The following GALNT2 variants were observed in gnomAD, a reference collection of about 807,000 sequenced individuals.
GALNT2 encodes polypeptide N-acetylgalactosaminyltransferase 2.
A neutral mutation model predicts 81.4 loss-of-function variants in GALNT2; 31 were observed. The observed-to-expected ratio is 0.38, with a 90% CI of 0.29 to 0.51. The LOEUF (loss-of-function observed/expected upper bound fraction) is 0.51, where lower values mean the gene tolerates loss of function less well. GALNT2 is among the 20% of genes least tolerant of loss of function. The probability of loss-of-function intolerance (pLI) is 0.87; values close to 1 mark genes in which losing one functional copy is unlikely to be tolerated. For synonymous variants in GALNT2, 303 were observed against 287.4 expected, an observed-to-expected ratio of 1.05 and a Z score of -0.55; for missense variants, 629 against 765.7, an observed-to-expected ratio of 0.82 and a Z score of 2.11.
At chr1:230,137,491 C>T (rs1055126483) in intron 1 of GALNT2, among the ~76,000 whole-genome samples, 3 of 152,242 alleles carry the variant, frequency 2.0e-5, no homozygotes, top group African/African-American at 7.2e-5. Flanking sequence ...TGGGTGTTCT[C>T]AGCTGGGCAG....
chr1:230,185,497 C>T (rs1209529327), intron 2 of GALNT2, among the ~76,000 whole-genome samples: 2 of 152,118 alleles, frequency 1.3e-5, no homozygotes, highest in African/African-American at 4.8e-5. Context: ...TGTGTCTGGG[C>T]TGTGAGCCTC....
intron 7 of GALNT2, among the ~76,000 whole-genome samples, chr1:230,245,309 C>T (rs553563103): frequency 6.6e-6 from 1 of 152,060 alleles, no homozygotes; most frequent in South Asian, 2.1e-4. Context: ...ACTAAAAATA[C>T]AAAAATTAGC....
At chr1:230,152,049 G>A (rs1339592876) in intron 1 of GALNT2, among the ~76,000 whole-genome samples, 3 of 152,106 alleles carry the variant, frequency 2.0e-5, no homozygotes, top group Non-Finnish European at 2.9e-5. Flanking sequence ...GGTTTTGGCC[G>A]GCTCCTTTAC....
rs74809866 is a variant in GALNT2 at position 230,270,608 on chromosome 1, G to A, written c.1441-3837G>A. 5.5e-3 allele frequency among the ~76,000 whole-genome samples: 843 copies of A among 152,324 alleles called. 7 individuals are homozygous for A. Among genetic ancestry groups the A allele is most frequent in the African/African-American group, 0.019 (803 of 41,564 alleles). ...ATTCCAGCTCACAAACCCACTGTGCGTGAGTCCTCTCTGAACCGATAGAAA... is the reference window on the plus strand; with the variant it reads ...ATTCCAGCTCACAAACCCACTGTGCATGAGTCCTCTCTGAACCGATAGAAA... On this transcript the variant is annotated intron_variant, in intron 14 of 15. Transcript: ENST00000366672.
At chr1:230,139,347 A>G (rs116278388) in intron 1 of GALNT2, among the ~76,000 whole-genome samples, 1 of 152,112 alleles carries the variant, frequency 6.6e-6, no homozygotes, top group African/African-American at 2.4e-5. Context: ...GTCCCTTCTG[A>G]TGAGAAGTTT....
At chr1:230,069,853 G>A (rs983152992) in intron 1 of GALNT2, among the ~76,000 whole-genome samples, 1 of 152,192 alleles carries the variant, frequency 6.6e-6, no homozygotes, top group Non-Finnish European at 1.5e-5. Context: ...TACTGTTCAA[G>A]TCAGGGCTTT....
At chr1:230,143,490 A>C (rs906401422) in intron 1 of GALNT2, among the ~76,000 whole-genome samples, 1 of 152,214 alleles carries the variant, frequency 6.6e-6, no homozygotes. Flanking sequence ...AGTCCCATGC[A>C]GAACTGCGGG....
chr1:230,228,608 C>T (rs1286354828), intron 3 of GALNT2, among the ~76,000 whole-genome samples: 1 of 151,976 alleles, frequency 6.6e-6, no homozygotes, highest in Non-Finnish European at 1.5e-5. Context: ...TGAAGGATAG[C>T]ATGGAACTTG....
chr1:230,273,429 G>T (rs1231069873), intron 14 of GALNT2, among the ~76,000 whole-genome samples: 1 of 152,218 alleles, frequency 6.6e-6, no homozygotes, highest in Non-Finnish European at 1.5e-5. Context: ...GGGGATGGAA[G>T]TGGATAGTGA....
At chr1:230,246,707 C>T (rs542017323) in intron 8 of GALNT2, among the ~76,000 whole-genome samples, 2 of 152,264 alleles carry the variant, frequency 1.3e-5, no homozygotes, top group South Asian at 4.2e-4. Context: ...TTTCCCAGCC[C>T]AACACCTGTG....
At chr1:230,244,259 G>A (rs1332063439) in intron 7 of GALNT2, among the ~76,000 whole-genome samples, 1 of 151,910 alleles carries the variant, frequency 6.6e-6, no homozygotes, top group Non-Finnish European at 1.5e-5. Context: ...ATCAAGTTGG[G>A]GCTAGGCCTT....
chr1:230,141,987 C>T (rs1397721405), intron 1 of GALNT2, among the ~76,000 whole-genome samples: 1 of 151,964 alleles, frequency 6.6e-6, no homozygotes, highest in African/African-American at 2.4e-5. Context: ...AGACGAGAGC[C>T]TCACTGTGTT....
intron 1 of GALNT2, among the ~76,000 whole-genome samples, chr1:230,104,703 T>A (rs10864691): frequency 0.43 from 65,201 of 152,064 alleles, 13,992 homozygotes; most frequent in South Asian, 0.53. Context: ...ACATTTGCAG[T>A]GCTGGGAGGT....
intron 3 of GALNT2, among the ~76,000 whole-genome samples, chr1:230,214,746 C>T (rs1664336735): frequency 6.6e-6 from 1 of 152,160 alleles, no homozygotes; most frequent in African/African-American, 2.4e-5. Context: ...CTCTGAGACC[C>T]TAATTTCATC....
At chr1:230,246,819 C>A (rs939888622) in intron 8 of GALNT2, among the ~76,000 whole-genome samples, 1 of 152,084 alleles carries the variant, frequency 6.6e-6, no homozygotes, top group African/African-American at 2.4e-5. Flanking sequence ...TGTCTGTTTA[C>A]CCTCTTAAAA....
intron 1 of GALNT2, among the ~76,000 whole-genome samples, chr1:230,174,877 G>T (rs939924149): frequency 1.3e-5 from 2 of 152,156 alleles, no homozygotes; most frequent in Non-Finnish European, 2.9e-5. Context: ...ACCACCGCTA[G>T]TCCCCATTGT....
At position 230,262,980 on chromosome 1, in the gene GALNT2, C is replaced by T; in HGVS notation, c.1288C>T (p.Leu430Phe). The change falls in exon 13 of 16, where the codon CTT becomes TTT. Residue 430 changes from leucine to phenylalanine, a missense_variant. This residue lies in a region of GALNT2 where 207 missense variants were observed against 225.5 expected (regional missense o/e 0.92). Coordinates refer to ENST00000366672, the MANE Select transcript of GALNT2 (RefSeq NM_004481.5). ...CAGCTGCAAGCCTTTCAAATGGTAC[C>T]TTGAAAATGTCTATCCAGAGTTAAG... ...KLSCKPFKWY[L>F]ENVYPELRVP... The T allele has an allele frequency of 6.2e-7, 1 of 1,614,110 alleles. No individual in the cohort carries two copies. The highest frequency in any genetic ancestry group is 8.5e-7 in the Non-Finnish European group (1 of 1,179,956).
chr1:230,278,292 T>TA (rs754951270), intron 15 of GALNT2, among the ~76,000 whole-genome samples: 12 of 151,150 alleles, frequency 7.9e-5, no homozygotes, highest in Middle Eastern at 3.4e-3. Context: ...TAATTTTTTT[T>TA]AAAAAAAATG....
intron 1 of GALNT2, among the ~76,000 whole-genome samples, chr1:230,068,090 C>T (rs919264657): frequency 6.6e-6 from 1 of 152,256 alleles, no homozygotes; most frequent in Non-Finnish European, 1.5e-5. Context: ...CCGGCCCTCC[C>T]GCGCGAGCCG....
Sources: allele counts gnomAD v4.1 joint callset (sites outside exome capture counted in the v4.1 genomes callset), GRCh38; gene constraint gnomAD v4.1.1; regional missense constraint gnomAD v4.1.1; transcripts MANE v1.5; gene names NCBI Gene and HGNC (gene_info 2026-07-23, HGNC 2026-07-21).